CACHD1: variants seen among roughly 807,000 people sequenced by gnomAD.
CACHD1 encodes the protein VWFA and cache domain-containing protein 1.
A neutral mutation model predicts 138.7 loss-of-function variants in CACHD1; 71 were observed. The observed-to-expected ratio is 0.51, with a 90% CI of 0.42 to 0.62. The LOEUF is 0.62. Ranked by LOEUF, CACHD1 falls within the 20% of genes least tolerant of loss-of-function variation. The pLI is 0.00. For missense variants in CACHD1, 1,389 were observed against 1,625.3 expected (o/e 0.85, Z 2.50); for synonymous variants, 578 against 591.5 (o/e 0.98, Z 0.33).
chr1:64,673,234 G>A lies in CACHD1; in HGVS notation c.2587G>A (p.Glu863Lys). 6.2e-7 allele frequency: 1 copy of A among 1,614,120 alleles called. No homozygotes were observed. The highest frequency in any genetic ancestry group is 8.5e-7 in the Non-Finnish European group (1 of 1,180,008). Residue 863 changes from glutamate (E) to lysine (K), a missense_variant, in exon 18 of 27, where the codon GAG (glutamate) becomes AAG (lysine). By Grantham distance (56) the Glu-to-Lys change is moderately conservative. Coordinates refer to ENST00000651257, the MANE Select transcript of CACHD1 (RefSeq NM_020925.4). ...CGACCCCAAAGGACATGCACCTGTG[G>A]AGCAGCAGCACATCACCCACAAGGT... The part of the protein sequence containing the change: ...LIDPKGHAPV[E>K]QQHITHKEPL...
chr1:64,592,810 C>A (rs1035467431), intron 3 of CACHD1, among the ~76,000 whole-genome samples: 2 of 151,814 alleles, frequency 1.3e-5, no homozygotes, highest in African/African-American at 4.8e-5. Flanking sequence ...TCAAGTTGGG[C>A]CAGTTAGATA....
At chr1:64,654,833 A>T (rs1373666422) in intron 12 of CACHD1, 30 bp downstream of exon 12, 1 of 1,503,782 alleles carries the variant, frequency 6.6e-7, no homozygotes, top group South Asian at 1.1e-5. Context: ...GTTTGCTTGA[A>T]GAGCTACAGG....
intron 1 of CACHD1, among the ~76,000 whole-genome samples, chr1:64,533,952 A>G (rs1429114640): frequency 1.3e-5 from 2 of 151,494 alleles, no homozygotes; most frequent in African/African-American, 4.9e-5. Context: ...ATGGGGTTTC[A>G]CAGTGTTAGC....
intron 4 of CACHD1, among the ~76,000 whole-genome samples, chr1:64,608,922 G>A (rs1647428313): frequency 6.6e-6 from 1 of 152,182 alleles, no homozygotes; most frequent in Non-Finnish European, 1.5e-5. Flanking sequence ...CTCACTGAAA[G>A]AAAAAGCGTC....
chr1:64,515,559 T>G (rs1048135323), intron 1 of CACHD1, among the ~76,000 whole-genome samples: 1 of 152,232 alleles, frequency 6.6e-6, no homozygotes, highest in African/African-American at 2.4e-5. Flanking sequence ...ACTATTAGTA[T>G]TTGTGTTGAT....
At chr1:64,634,006 A>G (rs1376794879) in intron 6 of CACHD1, 38 bp from the exon 7 acceptor site, 4 of 1,499,994 alleles carry the variant, frequency 2.7e-6, no homozygotes, top group South Asian at 2.4e-5. Flanking sequence ...CGGTAGGATA[A>G]CAAGTTTGGT....
Position 64,594,320 on chromosome 1 carries a change from G to GT in CACHD1, c.411-8482dup, listed in dbSNP as rs1647133002. Among the ~76,000 whole-genome samples the GT allele has an allele frequency of 2.6e-5, 4 of 152,000 alleles. No homozygotes were observed. In the South Asian group the frequency reaches 8.3e-4, roughly 32 times the overall value. ...CTGGAGAGCCAGGTTTGGAATTTAG[G>GT]TTTTCTGATTCCAAATGCTGTTTTC... On this transcript the variant is annotated intron_variant, in intron 3 of 26. Transcript: ENST00000651257.
At position 64,675,547 on chromosome 1, in the gene CACHD1, T is replaced by C. The variant is rs1166945632; in HGVS notation, c.2874T>C (p.Cys958=). The C allele has an allele frequency of 1.9e-6, 3 of 1,608,302 alleles. No homozygotes were observed. The African/African-American group carries it at 4.0e-5, about 21-fold the overall frequency. Residue 958 remains cysteine (C), a synonymous_variant, in exon 20 of 27, where the codon TGT becomes TGC. Transcript: ENST00000651257. ...FCACSMVDRL[C]LNCHRMEQNE... ...CCTGCAGCATGGTGGACCGACTCTGTCTCAACTGTCACCGGTAAAAATGCA... is the reference window on the plus strand; with the variant it reads ...CCTGCAGCATGGTGGACCGACTCTGCCTCAACTGTCACCGGTAAAAATGCA...
Position 64,691,655 on chromosome 1 carries a change from TC to T in CACHD1, c.*97del. ...GGCTTAAAACCCACAGCAAGAGACCTCCCTTGTGTTTGTGCTTTGTGCAGAG... is the reference window on the plus strand; with the variant it reads ...GGCTTAAAACCCACAGCAAGAGACCTCCTTGTGTTTGTGCTTTGTGCAGAG... On this transcript the variant is annotated 3_prime_UTR_variant, in exon 27 of 27. Coordinates refer to ENST00000651257, the MANE Select transcript of CACHD1 (RefSeq NM_020925.4). 1 of 1,114,928 alleles carries T rather than the reference TC, an allele frequency of 9.0e-7. No individual in the cohort carries two copies. The highest frequency in any genetic ancestry group is 1.3e-6 in the Non-Finnish European group (1 of 759,734). 69.1% of individuals were successfully genotyped at this position (1,114,928 alleles called of 1,614,324 possible).
intron 13 of CACHD1, among the ~76,000 whole-genome samples, chr1:64,662,824 C>G (rs550259808): frequency 6.6e-6 from 1 of 152,216 alleles, no homozygotes; most frequent in East Asian, 1.9e-4. Context: ...TTTCTAGAAG[C>G]TTTTGTTTGT....
intron 9 of CACHD1, among the ~76,000 whole-genome samples, chr1:64,649,588 C>A (rs1014614259): frequency 2.0e-5 from 3 of 152,142 alleles, no homozygotes; most frequent in Non-Finnish European, 2.9e-5. Context: ...AAGAGAAAGA[C>A]AAATCAGTAA....
intron 1 of CACHD1, among the ~76,000 whole-genome samples, chr1:64,518,102 A>T (rs951056965): frequency 6.6e-6 from 1 of 152,108 alleles, no homozygotes; most frequent in Non-Finnish European, 1.5e-5. Context: ...GTGTTTTCTA[A>T]ATGTTTGTAT....
intron 1 of CACHD1, among the ~76,000 whole-genome samples, chr1:64,494,654 G>C (rs1233474481): frequency 6.6e-6 from 1 of 152,132 alleles, no homozygotes; most frequent in Non-Finnish European, 1.5e-5. Context: ...ATTCTTTATT[G>C]CTTAAATTGA....
intron 2 of CACHD1, among the ~76,000 whole-genome samples, chr1:64,558,291 G>T (rs1646813299): frequency 6.6e-6 from 1 of 152,152 alleles, no homozygotes; most frequent in Admixed American, 6.5e-5. Context: ...TTGCCTCCTT[G>T]CCTTTCCAGG....
chr1:64,560,591 A>G (rs1249694690), intron 2 of CACHD1, among the ~76,000 whole-genome samples: 1 of 151,758 alleles, frequency 6.6e-6, no homozygotes, highest in Non-Finnish European at 1.5e-5. Flanking sequence ...CTTTTTAATT[A>G]ATTGAGACCT....
At chr1:64,619,482 A>G (rs959342918) in intron 4 of CACHD1, among the ~76,000 whole-genome samples, 2 of 152,178 alleles carry the variant, frequency 1.3e-5, no homozygotes, top group African/African-American at 4.8e-5. Context: ...TGTCAGAAGA[A>G]CTGTTTCCTT....
At chr1:64,567,964 C>CTG (rs138882336) in intron 2 of CACHD1, among the ~76,000 whole-genome samples, 6,896 of 152,216 alleles carry the variant, frequency 0.045, 540 homozygotes, top group African/African-American at 0.16. Context: ...AAGGATATAA[C>CTG]TGGAGCCTTA....
chr1:64,612,287 G>T (rs1433050932), intron 4 of CACHD1, among the ~76,000 whole-genome samples: 3 of 152,050 alleles, frequency 2.0e-5, no homozygotes, highest in Non-Finnish European at 2.9e-5. Flanking sequence ...TTTTTTATAG[G>T]ATTCCATATA....
At chr1:64,535,933 C>G (rs1199158377) in intron 1 of CACHD1, among the ~76,000 whole-genome samples, 1 of 152,110 alleles carries the variant, frequency 6.6e-6, no homozygotes, top group African/African-American at 2.4e-5. Flanking sequence ...CGTCAGAAAT[C>G]CAATTTATGC....
Sources: allele counts gnomAD v4.1 joint callset (sites outside exome capture counted in the v4.1 genomes callset), GRCh38; gene constraint gnomAD v4.1.1; transcripts MANE v1.5; gene names NCBI Gene and HGNC (gene_info 2026-07-23, HGNC 2026-07-21).